The following CACNA1I variants were observed in gnomAD, a reference collection of about 807,000 sequenced individuals.
The protein encoded by CACNA1I is voltage-dependent T-type calcium channel subunit alpha-1I.
A neutral mutation model predicts 201.6 loss-of-function variants in CACNA1I; 74 were observed. The observed-to-expected ratio is 0.37, with a 90% CI of 0.30 to 0.45. The LOEUF (loss-of-function observed/expected upper bound fraction) is 0.45. CACNA1I is among the 20% of genes least tolerant of loss of function. The probability of loss-of-function intolerance (pLI) is 1.00; values close to 1 mark genes in which losing one functional copy is unlikely to be tolerated. For synonymous variants in CACNA1I, 1,431 were observed against 1,345.2 expected (o/e 1.06, Z -1.40); for missense variants, 2,346 against 3,138.1 (o/e 0.75, Z 6.03).
chr22:39,597,111 A>C (rs900057807), intron 1 of CACNA1I, among the ~76,000 whole-genome samples: 3 of 152,174 alleles, frequency 2.0e-5, no homozygotes, highest in African/African-American at 7.2e-5. Flanking sequence ...AGTCCATTTC[A>C]TCCTGGACTG....
At chr22:39,627,373 A>C (rs1177629889) in intron 4 of CACNA1I, among the ~76,000 whole-genome samples, 3 of 152,206 alleles carry the variant, frequency 2.0e-5, no homozygotes, top group African/African-American at 7.2e-5. Flanking sequence ...GAGGGAGAGC[A>C]TCAGCCGCAC....
rs974738311 is a variant in CACNA1I, at chr22:39,679,484, G to C, written c.5394+39G>C. 5 of 1,346,564 alleles carry C rather than the reference G, an allele frequency of 3.7e-6. No homozygotes were observed. The African/African-American group carries it at 4.5e-5, about 12-fold the overall frequency. The allele number at this position is 1,346,564 out of a possible 1,614,324, so 83.4% of individuals were successfully genotyped here. On this transcript the variant is annotated intron_variant, in intron 32 of 36. Coordinates refer to ENST00000402142, the MANE Select transcript of CACNA1I (RefSeq NM_021096.4). ...GGAGAGGTGTGAGGGTCGCCAGAGGGGGGGCACCGCAGGGCCAGATGGGCA... is the reference window on the plus strand; with the variant it reads ...GGAGAGGTGTGAGGGTCGCCAGAGGCGGGGCACCGCAGGGCCAGATGGGCA...
rs1935857305 is a variant in CACNA1I at position 39,686,019 on chromosome 22, G to A, written c.6286G>A (p.Gly2096Ser). 1 of 1,243,104 alleles carries A rather than the reference G, an allele frequency of 8.0e-7. No homozygotes were observed. The highest frequency in any genetic ancestry group is 1.0e-6 in the Non-Finnish European group (1 of 998,452). The allele number at this position is 1,243,104 out of a possible 1,614,324, so 77.0% of individuals were successfully genotyped here. A position where few individuals can be genotyped will look rare whatever the true frequency, so the allele number is the denominator to read the frequency against. The change falls in exon 37 of 37, where the codon GGC (glycine) becomes AGC (serine). Residue 2096 changes from glycine to serine, a missense_variant. Transcript: ENST00000402142. ...SHSSGGSTSP[G>S]CTHHDSMDPS... ...CAGCAGCGGGGGCTCCACCAGCCCG[G>A]GCTGCACCCACCACGACTCCATGGA... is the stretch of plus-strand genomic sequence containing the variant.
intron 7 of CACNA1I, 24 bp downstream of exon 7, chr22:39,642,913 C>CCCTGA: frequency 1.3e-6 from 2 of 1,503,808 alleles, no homozygotes; most frequent in Non-Finnish European, 1.8e-6. Flanking sequence ...AGCCTGGGCT[C>CCCTGA]CTAGGTGTGC....
intron 4 of CACNA1I, among the ~76,000 whole-genome samples, chr22:39,624,604 A>G (rs1044491766): frequency 6.6e-6 from 1 of 152,228 alleles, no homozygotes; most frequent in Non-Finnish European, 1.5e-5. Context: ...AGGGCCCTGC[A>G]GATACTCACA....
At chr22:39,616,764 CA>C (rs66551782) in intron 3 of CACNA1I, among the ~76,000 whole-genome samples, 56,154 of 106,730 alleles carry the variant, frequency 0.53, 12,189 homozygotes, top group East Asian at 0.86. Flanking sequence ...AACTCTGTCT[CA>C]AAAAAAAAAA....
chr22:39,583,453 C>T (rs1932649300), intron 1 of CACNA1I, among the ~76,000 whole-genome samples: 1 of 152,210 alleles, frequency 6.6e-6, no homozygotes, highest in South Asian at 2.1e-4. Flanking sequence ...CCCGCCCACC[C>T]ATCCATCCAG....
At position 39,619,519 on chromosome 22, in the gene CACNA1I, G is replaced by A. The variant is rs866658940; in HGVS notation, c.580+112G>A. 124 of 776,352 alleles carry A rather than the reference G, an allele frequency of 1.6e-4. 1 individual carries two copies. The Middle Eastern group carries it at 4.1e-3, about 26-fold the overall frequency. 48.1% of individuals were successfully genotyped at this position (776,352 alleles called of 1,614,324 possible). On this transcript the variant is annotated intron_variant, in intron 4 of 36. Transcript: ENST00000402142. The stretch of plus-strand genomic sequence containing the variant: ...CCCCACCCTGCTTCGTTCACTTGGA[G>A]AAGACTGATTAGGGCCCGGGTGTGC...
chr22:39,614,580 G>A (rs1166374265), intron 3 of CACNA1I, among the ~76,000 whole-genome samples: 1 of 152,222 alleles, frequency 6.6e-6, no homozygotes, highest in Non-Finnish European at 1.5e-5. Context: ...CTTAAGGGCT[G>A]GGCTGCCTTT....
Position 39,662,111 on chromosome 22 carries a change from G to A in CACNA1I, c.3048G>A (p.Arg1016=). ...CTGCGGAGCGCGGCGGCGGCGCCCG[G>A]GTCTGCGAGGTTGCCGCGGACGAGG... ...LLSAERGGGA[R]VCEVAADEGP... is the part of the protein sequence containing the mutation. The change falls in exon 17 of 37, where the codon CGG becomes CGA. Residue 1016 remains arginine (R), a synonymous_variant. Transcript: ENST00000402142. 1 of 1,527,698 alleles carries A rather than the reference G, an allele frequency of 6.5e-7. No individual in the cohort carries two copies. Among genetic ancestry groups the A allele is most frequent in the South Asian group, 1.2e-5 (1 of 82,490 alleles). The allele number at this position is 1,527,698 out of a possible 1,614,324, so 94.6% of individuals were successfully genotyped here.
intron 3 of CACNA1I, among the ~76,000 whole-genome samples, chr22:39,614,516 G>A (rs9611205): frequency 0.39 from 58,596 of 152,170 alleles, 12,632 homozygotes; most frequent in Non-Finnish European, 0.5. Flanking sequence ...GGTGGCCTCC[G>A]GGTTTGCAGG....
At chr22:39,644,582 CA>C (rs796187274) in intron 7 of CACNA1I, among the ~76,000 whole-genome samples, 21 of 152,312 alleles carry the variant, frequency 1.4e-4, no homozygotes, top group African/African-American at 4.8e-4. Context: ...ACTGCTATGT[CA>C]CCTGCAGGGT....
At position 39,680,726 on chromosome 22, in the gene CACNA1I, G is replaced by T. The variant is rs574697071; in HGVS notation, c.5542-204G>T. Among the ~76,000 whole-genome samples the T allele has an allele frequency of 3.3e-5, 5 of 152,312 alleles. No individual in the cohort carries two copies. The East Asian group carries it at 9.6e-4, about 29-fold the overall frequency. On this transcript the variant is annotated intron_variant, in intron 33 of 36. Transcript: ENST00000402142. ...CACTCAGAGCTGGCTTCCACTGGAGGTGGCCACTGTGTCACCATCGCATGT... is the reference window on the plus strand; with the variant it reads ...CACTCAGAGCTGGCTTCCACTGGAGTTGGCCACTGTGTCACCATCGCATGT...
At position 39,588,861 on chromosome 22, in the gene CACNA1I, G is replaced by A. The variant is rs570361802; in HGVS notation, c.237-9290G>A. On this transcript the variant is annotated intron_variant, in intron 1 of 36. Transcript: ENST00000402142. ...TCCTGGCTCTTAACTTCATGTAATT[G>A]GAGTTACGCGTTGTTTGCTCTGCTG... 1.1e-4 allele frequency among the ~76,000 whole-genome samples: 16 copies of A among 152,268 alleles called. No homozygotes were observed. In the South Asian group the frequency reaches 2.7e-3, roughly 26 times the overall value.
Position 39,679,202 on chromosome 22 carries a change from G to T in CACNA1I, c.5151G>T (p.Ala1717=), listed in dbSNP as rs368802843. The T allele has an allele frequency of 3.1e-6, 5 of 1,591,888 alleles. No homozygotes were observed. The highest frequency in any genetic ancestry group is 4.3e-6 in the Non-Finnish European group (5 of 1,170,178). The change falls in exon 32 of 37, where the codon GCG becomes GCT. Residue 1717 remains alanine (A), a synonymous_variant. Coordinates refer to ENST00000402142, the MANE Select transcript of CACNA1I (RefSeq NM_021096.4). Reference sequence around the variant, plus strand: ...ACTTCGTGAGCTTCGTGCTCACCGCGCAGTTCGTGCTCATCAACGTGGTGG... The same window carrying T: ...ACTTCGTGAGCTTCGTGCTCACCGCTCAGTTCGTGCTCATCAACGTGGTGG... ...PLYFVSFVLT[A]QFVLINVVVA...
intron 1 of CACNA1I, among the ~76,000 whole-genome samples, chr22:39,589,749 C>T (rs1473684878): frequency 6.6e-6 from 1 of 152,094 alleles, no homozygotes; most frequent in African/African-American, 2.4e-5. Flanking sequence ...CTGAGCTCCC[C>T]CTCCTTTGGG....
intron 4 of CACNA1I, among the ~76,000 whole-genome samples, chr22:39,630,021 C>T (rs1259553111): frequency 6.6e-6 from 1 of 152,188 alleles, no homozygotes; most frequent in Non-Finnish European, 1.5e-5. Flanking sequence ...GCTCAGCTTC[C>T]CCCCAGCCGC....
intron 24 of CACNA1I, among the ~76,000 whole-genome samples, chr22:39,668,805 G>T (rs1333457946): frequency 6.6e-6 from 1 of 152,144 alleles, no homozygotes; most frequent in Non-Finnish European, 1.5e-5. Context: ...GGGAGAGGAG[G>T]CAGGTAGTGT....
chr22:39,586,949 C>T (rs962488992), intron 1 of CACNA1I, among the ~76,000 whole-genome samples: 14 of 152,084 alleles, frequency 9.2e-5, no homozygotes, highest in East Asian at 5.8e-4. Context: ...GTTGGGCTCC[C>T]GAGGCTGGAT....
Sources: gnomAD v4.1 joint callset for allele counts (sites outside exome capture counted in the v4.1 genomes callset) on GRCh38, gnomAD v4.1.1 for gene constraint, MANE v1.5 for transcripts, NCBI Gene and HGNC (gene_info 2026-07-23, HGNC 2026-07-21) for gene names.